INPP5K: variants seen among roughly 807,000 people sequenced by gnomAD.
The protein encoded by INPP5K is inositol polyphosphate 5-phosphatase K.
A neutral mutation model predicts 53.5 loss-of-function variants in INPP5K; 35 were observed. The ratio of observed to expected loss-of-function variants is 0.65; its 90% CI spans 0.50 to 0.87. The LOEUF is 0.87. Ranked by LOEUF, INPP5K falls within the 40% of genes least tolerant of loss-of-function variation. The pLI, the probability that INPP5K is intolerant of heterozygous loss-of-function variation, is 0.00. For missense variants in INPP5K, 550 were observed against 586.2 expected (o/e 0.94, Z 0.64); for synonymous variants, 253 against 232.8 (o/e 1.09, Z -0.79).
intron 1 of INPP5K, chr17:1,515,662 G>C: frequency 1.1e-6 from 1 of 910,764 alleles, no homozygotes; most frequent in Non-Finnish European, 1.3e-6. Context: ...AACAGACCCC[G>C]TCCTTAGAGG....
At chr17:1,500,483 G>T (rs2074978980) in intron 7 of INPP5K, among the ~76,000 whole-genome samples, 1 of 151,954 alleles carries the variant, frequency 6.6e-6, no homozygotes, top group Admixed American at 6.6e-5. Context: ...TCCTGCCTCA[G>T]CCTCCAGAAT....
intron 7 of INPP5K, among the ~76,000 whole-genome samples, chr17:1,503,129 T>C (rs2150984050): frequency 6.6e-6 from 1 of 151,290 alleles, no homozygotes; most frequent in South Asian, 2.1e-4. Flanking sequence ...CAAGTGATCA[T>C]CCTGTCTCTG....
intron 1 of INPP5K, among the ~76,000 whole-genome samples, chr17:1,514,495 G>C (rs1352288372): frequency 1.3e-5 from 2 of 152,120 alleles, no homozygotes; most frequent in Non-Finnish European, 2.9e-5. Flanking sequence ...TCCCCACCCC[G>C]GACTGGGTCC....
At chr17:1,506,874 C>T (rs570004704) in intron 7 of INPP5K, 106 bp downstream of exon 7, 55 of 772,668 alleles carry the variant, frequency 7.1e-5, no homozygotes, top group African/African-American at 7.1e-4. Flanking sequence ...GATGACTAGA[C>T]CAATTCCTGC....
chr17:1,504,886 A>G (rs931518599), intron 7 of INPP5K, among the ~76,000 whole-genome samples: 4 of 152,158 alleles, frequency 2.6e-5, no homozygotes, highest in Admixed American at 2.0e-4. Flanking sequence ...GGCTTGAGGA[A>G]AGTACTGTGG....
chr17:1,500,258 C>G (rs753312164), intron 7 of INPP5K, among the ~76,000 whole-genome samples: 1 of 152,270 alleles, frequency 6.6e-6, no homozygotes, highest in Non-Finnish European at 1.5e-5. Flanking sequence ...GTGACTCTCT[C>G]AAGCCTCTGG....
At chr17:1,509,901 G>A in intron 3 of INPP5K, 102 bp from the exon 4 acceptor site, 2 of 687,386 alleles carry the variant, frequency 2.9e-6, no homozygotes, top group Non-Finnish European at 2.6e-6. Flanking sequence ...TCAGCTACAT[G>A]CAGTGTCCTG....
At chr17:1,503,905 G>A (rs759469836) in intron 7 of INPP5K, among the ~76,000 whole-genome samples, 10 of 152,052 alleles carry the variant, frequency 6.6e-5, no homozygotes, top group East Asian at 3.8e-4. Context: ...GCACACTAAC[G>A]CTCACAGTCA....
intron 7 of INPP5K, among the ~76,000 whole-genome samples, chr17:1,505,267 C>T (rs2075127251): frequency 6.6e-6 from 1 of 152,184 alleles, no homozygotes; most frequent in Non-Finnish European, 1.5e-5. Flanking sequence ...GCTGGGACTA[C>T]AGGCACATGC....
chr17:1,515,638 A>C, intron 1 of INPP5K: 1 of 966,602 alleles, frequency 1.0e-6, no homozygotes, highest in Non-Finnish European at 1.2e-6. Context: ...TTAATGCCAA[A>C]ACATCTCTCC....
At chr17:1,512,011 C>T (rs988173307) in intron 3 of INPP5K, among the ~76,000 whole-genome samples, 5 of 152,152 alleles carry the variant, frequency 3.3e-5, no homozygotes, top group African/African-American at 1.2e-4. Flanking sequence ...CAGGAGGTGG[C>T]TGGGGGCCCT....
rs2074906941 is a variant in INPP5K, at chr17:1,498,054, C to T, written c.845G>A (p.Gly282Asp). The change falls in exon 8 of 12, where the codon GGC (glycine) becomes GAC (aspartate). Residue 282 changes from glycine to aspartate, a missense_variant. Transcript: ENST00000421807. ...LWRLKRQPCA[G>D]PDTPIPPASH... ...CGCCGGCGGTATGGGAGTGTCGGGG[C>T]CAGCACAGGGCTGCCGCTTCAGCCT... 6.2e-7 allele frequency: 1 copy of T among 1,614,034 alleles called. No individual in the cohort carries two copies. The highest frequency in any genetic ancestry group is 2.2e-5 in the East Asian group (1 of 44,890).
At chr17:1,514,122 A>G (rs2075375090) in intron 1 of INPP5K, 143 bp from the exon 2 acceptor site, 1 of 476,446 alleles carries the variant, frequency 2.1e-6, no homozygotes, top group Non-Finnish European at 3.8e-6. Flanking sequence ...CGGGAGTTCG[A>G]GACAAGCCTG....
intron 1 of INPP5K, chr17:1,515,558 A>G (rs1170452187): frequency 1.0e-6 from 1 of 985,778 alleles, no homozygotes; most frequent in Non-Finnish European, 1.2e-6. Context: ...TAGGCACACG[A>G]TGAGGAGTAC....
Position 1,496,084 on chromosome 17 carries a change from C to T in INPP5K, c.1266G>A (p.Val422=), listed in dbSNP as rs150726981. Reference sequence around the variant, plus strand: ...CCTGGAAGGGTCTGCTTATCCCCACCACAGAACGCAGACTGTTGCTGTAGT... The same window carrying T: ...CCTGGAAGGGTCTGCTTATCCCCACTACAGAACGCAGACTGTTGCTGTAGT... ...LCYYSNSLRS[V]VGISRPFQIP... is the part of the protein sequence containing the mutation. The change falls in exon 11 of 12, where the codon GTG becomes GTA. Residue 422 remains valine, a synonymous_variant. Coordinates refer to ENST00000421807, the MANE Select transcript of INPP5K (RefSeq NM_016532.4). 6.2e-7 allele frequency: 1 copy of T among 1,611,924 alleles called. No individual in the cohort carries two copies. Among genetic ancestry groups the T allele is most frequent in the African/African-American group, 1.3e-5 (1 of 74,906 alleles).
At chr17:1,508,998 C>T (rs2075236048) in intron 5 of INPP5K, 180 bp downstream of exon 5, 4 of 561,094 alleles carry the variant, frequency 7.1e-6, no homozygotes, top group Admixed American at 2.9e-5. Flanking sequence ...CCCAGGCTCA[C>T]TCGTGGCGGT....
At chr17:1,506,025 T>G (rs2075146324) in intron 7 of INPP5K, among the ~76,000 whole-genome samples, 1 of 152,246 alleles carries the variant, frequency 6.6e-6, no homozygotes, top group African/African-American at 2.4e-5. Context: ...ATCTATTTAT[T>G]TTATTATTAT....
chr17:1,504,447 C>T (rs2075106528), intron 7 of INPP5K, among the ~76,000 whole-genome samples: 1 of 152,208 alleles, frequency 6.6e-6, no homozygotes, highest in African/African-American at 2.4e-5. Context: ...TGCAAAACTC[C>T]CAGCTGCCCC....
chr17:1,508,802 C>T (rs545289228), intron 5 of INPP5K, among the ~76,000 whole-genome samples: 2 of 91,702 alleles, frequency 2.2e-5, no homozygotes, highest in Admixed American at 1.3e-4. Flanking sequence ...GGGCAGAGGG[C>T]GGGGAACAGT....
Sources: gnomAD v4.1 joint callset for allele counts (sites outside exome capture counted in the v4.1 genomes callset) on GRCh38, gnomAD v4.1.1 for gene constraint, MANE v1.5 for transcripts, NCBI Gene and HGNC (gene_info 2026-07-23, HGNC 2026-07-21) for gene names.